The following KAT6B variants were observed in gnomAD, a reference collection of about 807,000 sequenced individuals.
KAT6B encodes lysine acetyltransferase 6B.
Under a neutral mutation model 187.5 loss-of-function variants are expected in KAT6B, and 10 were observed. That is an observed-to-expected ratio of 0.05 (90% CI 0.03 to 0.09). The LOEUF is 0.09. Among genes scored for constraint, KAT6B ranks in the 10% least tolerant of loss-of-function variants. The pLI is 1.00. For synonymous variants in KAT6B, 861 were observed against 926.8 expected (o/e 0.93, Z 1.29); for missense variants, 1,952 against 2,558.9 (o/e 0.76, Z 5.12).
intron 13 of KAT6B, among the ~76,000 whole-genome samples, chr10:75,006,125 T>G (rs929344274): frequency 6.6e-6 from 1 of 152,164 alleles, no homozygotes; most frequent in African/African-American, 2.4e-5. Context: ...ACAAAAGTCC[T>G]CCTTGTCATA....
intron 3 of KAT6B, among the ~76,000 whole-genome samples, chr10:74,872,289 A>G (rs1271489013): frequency 6.6e-6 from 1 of 152,220 alleles, no homozygotes; most frequent in Non-Finnish European, 1.5e-5. Flanking sequence ...GCTGGTATAG[A>G]GGTTGCATGA....
chr10:74,849,941 C>CTT (rs751911800), intron 3 of KAT6B, among the ~76,000 whole-genome samples: 6 of 137,954 alleles, frequency 4.3e-5, no homozygotes, highest in African/African-American at 1.6e-4. Context: ...ACAGTGGTGG[C>CTT]TTTTTTTTTT....
chr10:74,985,283 A>T, intron 12 of KAT6B, 42 bp downstream of exon 12: 1 of 1,603,340 alleles, frequency 6.2e-7, no homozygotes, highest in Non-Finnish European at 8.5e-7. Context: ...CTTTTTCAAA[A>T]TGTTTTTGGT....
At position 75,030,067 on chromosome 10, in the gene KAT6B, T is replaced by C. The variant is rs1305986308; in HGVS notation, c.5243T>C (p.Val1748Ala). The change falls in exon 18 of 18, where the codon GTC (valine) becomes GCC (alanine). Residue 1748 changes from valine to alanine, a missense_variant. Val to Ala is a moderately conservative substitution (Grantham distance 64). Coordinates refer to ENST00000287239, the MANE Select transcript of KAT6B (RefSeq NM_012330.4). This position sits in a 1 kb window ranked among gnomAD's most constrained non-coding sequence, Gnocchi z 4.8. ...TSISSPPTCSVKSPQGCVVER... is the reference protein window; with the variant it reads ...TSISSPPTCSAKSPQGCVVER... ...ATCAGCTCCCCTCCGACCTGCAGCG[T>C]CAAGTCTCCTCAAGGCTGTGTGGTG... is the stretch of plus-strand genomic sequence containing the variant. 11 of 1,614,158 alleles carry C rather than the reference T, an allele frequency of 6.8e-6. No individual in the cohort carries two copies. The highest frequency in any genetic ancestry group is 1.3e-5 in the African/African-American group (1 of 75,046).
intron 13 of KAT6B, among the ~76,000 whole-genome samples, chr10:74,993,847 A>T (rs1253056021): frequency 6.6e-6 from 1 of 152,170 alleles, no homozygotes; most frequent in Non-Finnish European, 1.5e-5. Context: ...TTTTGGCAGG[A>T]ATACCATAGA....
rs1589821401 is a variant in KAT6B, at chr10:75,020,562, A to G, written c.2630-20A>G. The G allele has an allele frequency of 6.4e-7, 1 of 1,571,140 alleles. No individual in the cohort carries two copies. Among genetic ancestry groups the G allele is most frequent in the South Asian group, 1.1e-5 (1 of 90,144 alleles). On this transcript the variant is annotated intron_variant, in intron 13 of 17. Coordinates refer to ENST00000287239, the MANE Select transcript of KAT6B (RefSeq NM_012330.4). ...GGGAATGCCACAGTGAGGAATGCCC[A>G]TTTATTTTTTCTGCCCTAGGCTATT...
chr10:74,843,984 C>T (rs970845953), intron 3 of KAT6B, among the ~76,000 whole-genome samples: 8 of 151,964 alleles, frequency 5.3e-5, no homozygotes, highest in Non-Finnish European at 1.2e-4. Flanking sequence ...AGCGATTCTC[C>T]TGCCTCAGCC....
At chr10:75,008,432 C>G (rs1219360184) in intron 13 of KAT6B, among the ~76,000 whole-genome samples, 1 of 152,116 alleles carries the variant, frequency 6.6e-6, no homozygotes, top group African/African-American at 2.4e-5. Context: ...AAAAAGGCTA[C>G]GATGACTTAA....
intron 3 of KAT6B, among the ~76,000 whole-genome samples, chr10:74,879,173 CATT>C (rs1044112940): frequency 4.4e-4 from 67 of 152,338 alleles, no homozygotes; most frequent in African/African-American, 1.6e-3. Flanking sequence ...TCACTCTACA[CATT>C]ATCTGCTTTG....
chr10:74,918,466 G>T (rs1847868775), intron 3 of KAT6B, among the ~76,000 whole-genome samples: 1 of 152,206 alleles, frequency 6.6e-6, no homozygotes, highest in Non-Finnish European at 1.5e-5. Flanking sequence ...TTCAGGCTGG[G>T]CACGGTGGCT....
At chr10:74,969,873 G>A (rs1589726787) in intron 5 of KAT6B, 98 bp downstream of exon 5, 1 of 1,038,502 alleles carries the variant, frequency 9.6e-7, no homozygotes, top group Non-Finnish European at 1.5e-6. Context: ...TCTTTCTAAA[G>A]CTTTAAATAC....
At chr10:74,973,858 G>T (rs573688103) in intron 7 of KAT6B, among the ~76,000 whole-genome samples, 3 of 152,006 alleles carry the variant, frequency 2.0e-5, no homozygotes, top group Admixed American at 6.5e-5. Flanking sequence ...CCCAACATGG[G>T]TCCATATCCT....
chr10:74,947,977 C>G (rs1457378093), intron 3 of KAT6B, among the ~76,000 whole-genome samples: 2 of 152,182 alleles, frequency 1.3e-5, no homozygotes, highest in Non-Finnish European at 1.5e-5. Flanking sequence ...GATTTAGAAA[C>G]TCTGCCACAA....
chr10:74,945,470 T>C (rs551060976), intron 3 of KAT6B, among the ~76,000 whole-genome samples: 1 of 152,330 alleles, frequency 6.6e-6, no homozygotes, highest in African/African-American at 2.4e-5. Flanking sequence ...CTTTTGTTTT[T>C]TTCTTTTTTT....
At chr10:74,971,445 C>T (rs564293950) in intron 6 of KAT6B, among the ~76,000 whole-genome samples, 22 of 152,200 alleles carry the variant, frequency 1.4e-4, no homozygotes, top group Non-Finnish European at 3.1e-4. Flanking sequence ...ATGCATCATA[C>T]AGTATCTTAG....
chr10:74,902,888 C>T (rs1208570099), intron 3 of KAT6B, among the ~76,000 whole-genome samples: 1 of 152,178 alleles, frequency 6.6e-6, no homozygotes, highest in Non-Finnish European at 1.5e-5. Flanking sequence ...TTTCACAGTA[C>T]TTGACATATT....
At chr10:74,842,169 C>A (rs1185192867) in intron 2 of KAT6B, among the ~76,000 whole-genome samples, 1 of 152,084 alleles carries the variant, frequency 6.6e-6, no homozygotes, top group South Asian at 2.1e-4. Flanking sequence ...TAGCTGAAAG[C>A]TGGATTATTT....
intron 3 of KAT6B, among the ~76,000 whole-genome samples, chr10:74,913,593 A>T (rs1175403508): frequency 6.6e-6 from 1 of 152,256 alleles, no homozygotes; most frequent in Non-Finnish European, 1.5e-5. Flanking sequence ...AGAATTCACA[A>T]GGATTGAATT....
chr10:74,954,941 T>A lies in KAT6B; in HGVS notation c.622-5029T>A, dbSNP rs544652763. Among the ~76,000 whole-genome samples, 4 of 152,288 alleles carry A rather than the reference T, an allele frequency of 2.6e-5. No individual in the cohort carries two copies. The South Asian group carries it at 8.3e-4, about 32-fold the overall frequency. ...TATTTCCTCTGAGTCGGTAATGGGC[T>A]TGAGAGACCTTGATTTATAAATGTT... On this transcript the variant is annotated intron_variant, in intron 3 of 17. Transcript: ENST00000287239.
Sources: allele counts gnomAD v4.1 joint callset (sites outside exome capture counted in the v4.1 genomes callset), GRCh38; gene constraint gnomAD v4.1.1; non-coding constraint Gnocchi (gnomAD v3.1); transcripts MANE v1.5; gene names NCBI Gene and HGNC (gene_info 2026-07-23, HGNC 2026-07-21).